Variants in USP33 observed in about 807,000 individuals in gnomAD.
USP33 encodes the protein ubiquitin carboxyl-terminal hydrolase 33.
Under a neutral mutation model 124.2 loss-of-function variants are expected in USP33, and 46 were observed. The ratio of observed to expected loss-of-function variants is 0.37; its 90% CI spans 0.29 to 0.47. The LOEUF (loss-of-function observed/expected upper bound fraction) is 0.47, where lower values mean the gene tolerates loss of function less well. Among genes scored for constraint, USP33 ranks in the 20% least tolerant of loss-of-function variants. The pLI, the probability that USP33 is intolerant of heterozygous loss-of-function variation, is 0.99. For missense variants in USP33, 851 were observed against 1,070.6 expected (o/e 0.79, Z 2.86); for synonymous variants, 350 against 352.3 (o/e 0.99, Z 0.07).
At chr1:77,717,798 G>T in intron 17 of USP33, 69 bp downstream of exon 17, 1 of 1,388,824 alleles carries the variant, frequency 7.2e-7, no homozygotes, top group Non-Finnish European at 9.5e-7. Context: ...ACAGGTATGA[G>T]CCACCACGCC....
chr1:77,735,244 CTG>C (rs1678304469), intron 6 of USP33, among the ~76,000 whole-genome samples: 1 of 152,114 alleles, frequency 6.6e-6, no homozygotes, highest in African/African-American at 2.4e-5. Flanking sequence ...CATTGAATGA[CTG>C]TTATCTCTTC....
intron 21 of USP33, among the ~76,000 whole-genome samples, chr1:77,706,250 C>T (rs1049854854): frequency 6.6e-6 from 1 of 152,182 alleles, no homozygotes; most frequent in African/African-American, 2.4e-5. Context: ...TGGCACACAG[C>T]ATTTTGCATG....
chr1:77,728,741 A>G, intron 9 of USP33, 29 bp from the exon 10 acceptor site: 1 of 1,588,120 alleles, frequency 6.3e-7, no homozygotes, highest in Non-Finnish European at 8.5e-7. Flanking sequence ...AATGTTAACC[A>G]CTTCATTACA....
intron 1 of USP33, among the ~76,000 whole-genome samples, chr1:77,750,911 G>C (rs1472278528): frequency 6.6e-6 from 1 of 152,132 alleles, no homozygotes; most frequent in Non-Finnish European, 1.5e-5. Flanking sequence ...AAGACAATGG[G>C]AGTTCTTAGC....
At chr1:77,730,151 A>C (rs1355449170) in intron 8 of USP33, among the ~76,000 whole-genome samples, 2 of 152,174 alleles carry the variant, frequency 1.3e-5, no homozygotes, top group Non-Finnish European at 2.9e-5. Context: ...CCCTCAATTA[A>C]ATGATTATGC....
chr1:77,757,440 ATTCATGTGCCTT>A lies in USP33; in HGVS notation c.-52+2191_-52+2202del, dbSNP rs913335712. On this transcript the variant is annotated intron_variant, in intron 1 of 23. Transcript: ENST00000370794. The stretch of plus-strand genomic sequence containing the variant: ...TTCTCAGTATACAATATAGCACATA[ATTCATGTGCCTT>A]TTTATAGATAGTTAAAAGCAACTGT... Among the ~76,000 whole-genome samples, 3 of 152,214 alleles carry A rather than the reference ATTCATGTGCCTT, an allele frequency of 2.0e-5. No homozygotes were observed. In the East Asian group the frequency reaches 5.8e-4, roughly 29 times the overall value.
At chr1:77,701,545 T>C in intron 21 of USP33, 74 bp from the exon 22 acceptor site, 2 of 1,249,080 alleles carry the variant, frequency 1.6e-6, no homozygotes, top group Non-Finnish European at 2.3e-6. Context: ...ATCATTCCAC[T>C]TCAGTGTTTG....
chr1:77,757,683 A>G (rs1314470317), intron 1 of USP33, among the ~76,000 whole-genome samples: 1 of 152,344 alleles, frequency 6.6e-6, no homozygotes, highest in East Asian at 1.9e-4. Context: ...CAGTCTTGTC[A>G]TATGTTATAG....
At chr1:77,708,284 A>G (rs1020823810) in intron 21 of USP33, among the ~76,000 whole-genome samples, 6 of 152,226 alleles carry the variant, frequency 3.9e-5, no homozygotes, top group Admixed American at 2.6e-4. Context: ...TATATGAAAT[A>G]TATGAAAGGT....
intron 20 of USP33, among the ~76,000 whole-genome samples, chr1:77,712,309 G>C (rs565772708): frequency 7.2e-4 from 109 of 152,286 alleles, no homozygotes; most frequent in African/African-American, 2.6e-3. Flanking sequence ...TTAAAATAAA[G>C]GTCAGGAGTT....
intron 2 of USP33, 25 bp from the exon 3 acceptor site, chr1:77,741,454 A>C (rs12733153): frequency 3.8e-6 from 6 of 1,594,142 alleles, no homozygotes; most frequent in Non-Finnish European, 5.1e-6. Context: ...TAAAAAGACA[A>C]CATTGGTTAT....
intron 1 of USP33, among the ~76,000 whole-genome samples, chr1:77,757,202 A>T (rs1680879377): frequency 6.6e-6 from 1 of 152,210 alleles, no homozygotes; most frequent in Non-Finnish European, 1.5e-5. Flanking sequence ...TAAATTCCTA[A>T]GGAACTTTTA....
At chr1:77,729,749 G>A in intron 9 of USP33, 111 bp downstream of exon 9, 1 of 936,656 alleles carries the variant, frequency 1.1e-6, no homozygotes, top group South Asian at 1.5e-5. Context: ...CTTGGCAAAA[G>A]AAAGACACAA....
chr1:77,703,773 T>A (rs1031972411), intron 21 of USP33, among the ~76,000 whole-genome samples: 21 of 152,058 alleles, frequency 1.4e-4, no homozygotes, highest in Non-Finnish European at 2.9e-5. Flanking sequence ...ATATAAGCTC[T>A]GGCATGGCAC....
At chr1:77,748,444 G>A (rs1679949341) in intron 1 of USP33, among the ~76,000 whole-genome samples, 1 of 152,102 alleles carries the variant, frequency 6.6e-6, no homozygotes, top group Non-Finnish European at 1.5e-5. Context: ...GCTGAGGCGG[G>A]TGGATCACAA....
In USP33 at chr1:77,715,773, G is replaced by C. The variant is rs1247282686; in HGVS notation, c.2014C>G (p.Gln672Glu). 1.9e-6 allele frequency: 3 copies of C among 1,613,890 alleles called. No homozygotes were observed. Among genetic ancestry groups the C allele is most frequent in the African/African-American group, 2.7e-5 (2 of 75,040 alleles). ...AAAAGAACGTAAGCTTCTGCATTTTGTACAGTAGATTCTGAAACTTCAGTG... is the reference window on the plus strand; with the variant it reads ...AAAAGAACGTAAGCTTCTGCATTTTCTACAGTAGATTCTGAAACTTCAGTG... ...SVTEVSESTV[Q>E]NAEAYVLFYR... The change falls in exon 18 of 24, where the codon CAA becomes GAA. Residue 672 changes from glutamine to glutamate, a missense_variant. This residue lies in a region of USP33 where 281 missense variants were observed against 425.0 expected (regional missense o/e 0.66). Coordinates refer to ENST00000370794, the MANE Select transcript of USP33 (RefSeq NM_201624.3).
rs1290739710 is a variant in USP33, at chr1:77,750,623, A to AG, written c.-51-8876_-51-8875insC. Among the ~76,000 whole-genome samples, 121 of 129,248 alleles carry AG rather than the reference A, an allele frequency of 9.4e-4. 1 individual carries two copies. The highest frequency in any genetic ancestry group is 3.6e-3 in the African/African-American group (115 of 32,186). 84.8% of individuals were successfully genotyped at this position (129,248 alleles called of 152,430 possible). Reference sequence around the variant, plus strand: ...TGCAACACAGCAAGACCCTGACTTAAAAAAGAAAGAAAGAAAGAAAGAAAG... The same window carrying AG: ...TGCAACACAGCAAGACCCTGACTTAAGAAAAGAAAGAAAGAAAGAAAGAAAG... On this transcript the variant is annotated intron_variant, in intron 1 of 23. Coordinates refer to ENST00000370794, the MANE Select transcript of USP33 (RefSeq NM_201624.3).
At position 77,697,454 on chromosome 1, in the gene USP33, A is replaced by C. The variant is rs762467015; in HGVS notation, c.2599T>G (p.Ser867Ala). 1.9e-6 allele frequency: 3 copies of C among 1,602,720 alleles called. No individual in the cohort carries two copies. Among genetic ancestry groups the C allele is most frequent in the Non-Finnish European group, 2.5e-6 (3 of 1,177,368 alleles). The change falls in exon 24 of 24, where the codon TCT (serine) becomes GCT (alanine). Residue 867 changes from serine to alanine, a missense_variant. Around this residue, in one of 4 missense-constraint regions of USP33, gnomAD observed 142 missense variants for 141.8 expected, o/e 1.00. Coordinates refer to ENST00000370794, the MANE Select transcript of USP33 (RefSeq NM_201624.3). ...TGCAGAAAATTCCATGTTTCTTCAG[A>C]AATCTGGCCAGAATCTGCTCCTTAA... ...LRQGADSGQI[S>A]EETWNFLQSI... is the part of the protein sequence containing the mutation.
rs1001668274 is a variant in USP33 at position 77,697,236 on chromosome 1, G to A, written c.*81C>T. 9 of 1,264,762 alleles carry A rather than the reference G, an allele frequency of 7.1e-6. No individual in the cohort carries two copies. Among genetic ancestry groups the A allele is most frequent in the Admixed American group, 5.4e-5 (2 of 37,032 alleles). The allele number at this position is 1,264,762 out of a possible 1,614,324, so 78.3% of individuals were successfully genotyped here. Reference sequence around the variant, plus strand: ...GAAAAAAAATAAAGCAAATAAACACGCTTTTAGGAATGTTTTCGCATGTGT... The same window carrying A: ...GAAAAAAAATAAAGCAAATAAACACACTTTTAGGAATGTTTTCGCATGTGT... On this transcript the variant is annotated 3_prime_UTR_variant, in exon 24 of 24. Coordinates refer to ENST00000370794, the MANE Select transcript of USP33 (RefSeq NM_201624.3).
Sources: allele counts gnomAD v4.1 joint callset (sites outside exome capture counted in the v4.1 genomes callset), GRCh38; gene constraint gnomAD v4.1.1; regional missense constraint gnomAD v4.1.1; transcripts MANE v1.5; gene names NCBI Gene and HGNC (gene_info 2026-07-23, HGNC 2026-07-21).